MACF1: variants seen among roughly 807,000 people sequenced by gnomAD.
MACF1 encodes the protein microtubule actin crosslinking factor 1, also known as microtubule-actin cross-linking factor 1.
In MACF1, 193 loss-of-function variants were observed where a neutral mutation model predicts 854.8. That is an observed-to-expected ratio of 0.23 (90% CI 0.20 to 0.25). The LOEUF is 0.25. Ranked by LOEUF, MACF1 falls within the 10% of genes least tolerant of loss-of-function variation. The probability of loss-of-function intolerance (pLI) is 1.00; values close to 1 mark genes in which losing one functional copy is unlikely to be tolerated. For missense variants in MACF1, 7,722 were observed against 8,929.1 expected, an observed-to-expected ratio of 0.86 and a Z score of 5.45; for synonymous variants, 3,185 against 3,226.7, an observed-to-expected ratio of 0.99 and a Z score of 0.44.
At chr1:39,484,775 AAAC>A in intron 100 of MACF1, 45 bp downstream of exon 100, 1 of 1,613,008 alleles carries the variant, frequency 6.2e-7, no homozygotes, top group Non-Finnish European at 8.5e-7. Context: ...GAGAATTTGG[AAAC>A]AACAGCCTAT....
At chr1:39,368,448 G>A in intron 50 of MACF1, 134 bp downstream of exon 50, 2 of 854,948 alleles carry the variant, frequency 2.3e-6, no homozygotes, top group Non-Finnish European at 3.5e-6. Context: ...GTAGGAGGGT[G>A]AAAAGTGCCT....
At chr1:39,404,178 TAAATA>T (rs1240259960) in intron 58 of MACF1, among the ~76,000 whole-genome samples, 1 of 147,498 alleles carries the variant, frequency 6.8e-6, no homozygotes, top group East Asian at 2.0e-4. Flanking sequence ...AATAAATAAA[TAAATA>T]AAATGAAATA....
At chr1:39,311,818 G>A (rs1646306485) in intron 26 of MACF1, among the ~76,000 whole-genome samples, 1 of 152,164 alleles carries the variant, frequency 6.6e-6, no homozygotes, top group Admixed American at 6.5e-5. Context: ...AATTAGAATG[G>A]TATGAGAGAG....
chr1:39,310,458 T>C (rs1432816590), intron 25 of MACF1, 30 bp downstream of exon 25: 3 of 1,593,060 alleles, frequency 1.9e-6, no homozygotes, highest in Non-Finnish European at 2.6e-6. Context: ...GGAAAGAGAA[T>C]AGTAGAATGA....
intron 6 of MACF1, among the ~76,000 whole-genome samples, chr1:39,273,307 A>G (rs547035496): frequency 1.3e-5 from 2 of 150,500 alleles, no homozygotes; most frequent in African/African-American, 4.9e-5. Flanking sequence ...GCCCAGCTAT[A>G]TACCAGTGTT....
In MACF1 at chr1:39,387,951, G is replaced by A. The variant is rs1467251586; in HGVS notation, c.15109G>A (p.Asp5037Asn). The A allele has an allele frequency of 1.2e-6, 2 of 1,613,902 alleles. No homozygotes were observed. The highest frequency in any genetic ancestry group is 2.7e-5 in the African/African-American group (2 of 74,882). The stretch of plus-strand genomic sequence containing the variant: ...AGCCAAACACCAACTTGAGATCTTT[G>A]ATGCTCTGGGTTCTCAAGCCTGTAG... ...EGAKHQLEIF[D>N]ALGSQACSNK... Residue 5037 changes from aspartate (D) to asparagine (N), a missense_variant, in exon 58 of 101, where the codon GAT (aspartate) becomes AAT (asparagine). Physicochemically the swap from Asp to Asn is conservative, Grantham distance 23 (BLOSUM62 1). This residue lies in a region of MACF1 where 2,807 missense variants were observed against 3,235.8 expected (regional missense o/e 0.87). Coordinates refer to ENST00000564288, the MANE Select transcript of MACF1 (RefSeq NM_001394062.1).
At chr1:39,418,099 A>G (rs1185848114) in intron 58 of MACF1, among the ~76,000 whole-genome samples, 2 of 152,200 alleles carry the variant, frequency 1.3e-5, no homozygotes, top group Non-Finnish European at 2.9e-5. Context: ...GGGTGGATTG[A>G]AGATATATTT....
chr1:39,341,035 CT>C (rs1172169515), intron 40 of MACF1, 82 bp downstream of exon 40: 137,401 of 895,332 alleles, frequency 0.15, no homozygotes, highest in South Asian at 0.18. Context: ...CCATATTTAT[CT>C]TTTTTTTTTT....
intron 23 of MACF1, chr1:39,304,598 C>T (rs1364363564): frequency 1.3e-5 from 9 of 685,490 alleles, no homozygotes; most frequent in Non-Finnish European, 1.7e-5. Context: ...GAGCCTTGCT[C>T]TGTCGCTCAG....
chr1:39,182,520 A>G (rs1289131315), intron 2 of MACF1, among the ~76,000 whole-genome samples: 1 of 152,200 alleles, frequency 6.6e-6, no homozygotes, highest in African/African-American at 2.4e-5. Flanking sequence ...GTAAAAAGAA[A>G]ACCCAATAAA....
chr1:39,235,686 A>G (rs1644852747), intron 2 of MACF1, among the ~76,000 whole-genome samples: 2 of 152,320 alleles, frequency 1.3e-5, no homozygotes, highest in Middle Eastern at 6.8e-3. Context: ...AAAGTTTTCT[A>G]TAATAACAAT....
chr1:39,439,480 C>A lies in MACF1; in HGVS notation c.18427C>A (p.Gln6143Lys). The change falls in exon 72 of 101, where the codon CAA (glutamine) becomes AAA (lysine). Residue 6143 changes from glutamine (Q) to lysine (K), a missense_variant. By Grantham distance (53) the Gln-to-Lys change is moderately conservative. Transcript: ENST00000564288. ...SPGIDPSIIK[Q>K]QVEAAETIKE... ...AGGCATTGATCCTTCCATCATCAAA[C>A]AACAGGTTGAAGCTGCTGAGGTAAG... is the stretch of plus-strand genomic sequence containing the variant. 1 of 1,614,056 alleles carries A rather than the reference C, an allele frequency of 6.2e-7. No individual in the cohort carries two copies. Among genetic ancestry groups the A allele is most frequent in the Non-Finnish European group, 8.5e-7 (1 of 1,179,912 alleles).
chr1:39,406,564 T>C (rs1225835744), intron 58 of MACF1, among the ~76,000 whole-genome samples: 1 of 151,930 alleles, frequency 6.6e-6, no homozygotes, highest in East Asian at 1.9e-4. Context: ...GTGAAACCCA[T>C]CTCTACTAAA....
At chr1:39,389,479 C>T (rs1479353963) in intron 58 of MACF1, among the ~76,000 whole-genome samples, 1 of 150,660 alleles carries the variant, frequency 6.6e-6, no homozygotes, top group Non-Finnish European at 1.5e-5. Context: ...CCTGCCTCAG[C>T]CTCCCAAGTA....
chr1:39,230,893 G>C (rs1315671124), intron 1 of MACF1, among the ~76,000 whole-genome samples: 1 of 152,134 alleles, frequency 6.6e-6, no homozygotes, highest in Non-Finnish European at 1.5e-5. Context: ...TGTGAGGGAA[G>C]TGGGGAATCA....
In MACF1 at chr1:39,387,332, G is replaced by T. The variant is rs548604257; in HGVS notation, c.14490G>T (p.Gln4830His). Residue 4830 changes from glutamine to histidine, a missense_variant, in exon 58 of 101, where the codon CAG becomes CAT. Gln to His is a conservative substitution (Grantham distance 24). Around this residue, in one of 15 missense-constraint regions of MACF1, gnomAD observed 2,807 missense variants for 3,235.8 expected, o/e 0.87. Coordinates refer to ENST00000564288, the MANE Select transcript of MACF1 (RefSeq NM_001394062.1). ...TTTCTGCAAAATTGGAGCGGCTACAGTCTCAGCTACAGGAGAATGAAGAGT... is the reference window on the plus strand; with the variant it reads ...TTTCTGCAAAATTGGAGCGGCTACATTCTCAGCTACAGGAGAATGAAGAGT... ...CPISAKLERL[Q>H]SQLQENEEFQ... 6.2e-7 allele frequency: 1 copy of T among 1,614,202 alleles called. No individual in the cohort carries two copies. Among genetic ancestry groups the T allele is most frequent in the East Asian group, 2.2e-5 (1 of 44,888 alleles).
At chr1:39,267,186 C>CT (rs1262203056) in intron 6 of MACF1, among the ~76,000 whole-genome samples, 1 of 152,220 alleles carries the variant, frequency 6.6e-6, no homozygotes, top group Non-Finnish European at 1.5e-5. Flanking sequence ...TTGTCACTTA[C>CT]TAGCTGTGTA....
Position 39,324,693 on chromosome 1 carries a change from T to C in MACF1, c.4437T>C (p.Ala1479=). 1 of 1,613,808 alleles carries C rather than the reference T, an allele frequency of 6.2e-7. No homozygotes were observed. The stretch of plus-strand genomic sequence containing the variant: ...CAAAGAAAGAACAAGTCTCTGAAGC[T>C]ATTAAAACATCACAGATCTTCTTGG... ...LTTKKEQVSE[A]IKTSQIFLAK... Residue 1479 remains alanine (A), a synonymous_variant, in exon 35 of 101, where the codon GCT becomes GCC. Coordinates refer to ENST00000564288, the MANE Select transcript of MACF1 (RefSeq NM_001394062.1).
chr1:39,086,672 G>A (rs537788455), intron 2 of MACF1, among the ~76,000 whole-genome samples: 6 of 152,310 alleles, frequency 3.9e-5, no homozygotes, highest in Admixed American at 2.6e-4. Context: ...TCTCTGAGGA[G>A]GCCCACGGGA....
Sources: gnomAD v4.1 joint callset for allele counts (sites outside exome capture counted in the v4.1 genomes callset) on GRCh38, gnomAD v4.1.1 for gene constraint, gnomAD v4.1.1 regional missense constraint, MANE v1.5 for transcripts, NCBI Gene and HGNC (gene_info 2026-07-23, HGNC 2026-07-21) for gene names.